Variants in TSGA10IP observed in about 807,000 individuals in gnomAD.
The protein encoded by TSGA10IP is testis specific 10 interacting protein, also known as testis-specific protein 10-interacting protein.
In TSGA10IP, 64 loss-of-function variants were observed where a neutral mutation model predicts 63.2. That is an observed-to-expected ratio of 1.01 (90% confidence interval 0.83 to 1.25). TSGA10IP has a LOEUF of 1.25. Among genes scored for constraint, TSGA10IP ranks in the 50% most tolerant of loss-of-function variants. TSGA10IP has a pLI of 0.00. For synonymous variants in TSGA10IP, 316 were observed against 298.3 expected (o/e 1.06, Z -0.61); for missense variants, 681 against 710.1 (o/e 0.96, Z 0.47).
exon 3 of TSGA10IP, chr11:65,947,123 C>T (rs1854849871): frequency 6.2e-7 from 1 of 1,611,426 alleles, no homozygotes; most frequent in African/African-American, 1.3e-5. Context: ...CTTCCCGCTT[C>T]TTCCTCGGAA....
chr11:65,959,088 C>A, intron 6 of TSGA10IP, 102 bp from the exon 7 acceptor site: 2 of 1,559,112 alleles, frequency 1.3e-6, no homozygotes, highest in Non-Finnish European at 1.7e-6. Context: ...GATCCCAGGG[C>A]TGCTGCCCTC....
chr11:65,959,176 TTC>T lies in TSGA10IP; in HGVS notation c.1423-7_1423-6del, dbSNP rs1384906869. The stretch of plus-strand genomic sequence containing the variant: ...CCCTGGTGCAGAGCAGGAAGCCGTC[TTC>T]TCTCTCCTCAGGCCAATGCCCGGCT... On this transcript the variant is annotated splice_polypyrimidine_tract_variant and intron_variant, in intron 6 of 7. Transcript: ENST00000532620. 21 of 1,600,598 alleles carry T rather than the reference TTC, an allele frequency of 1.3e-5. No individual in the cohort carries two copies. Among genetic ancestry groups the T allele is most frequent in the South Asian group, 2.3e-5 (2 of 88,826 alleles).
In TSGA10IP at chr11:65,953,548, C is replaced by T; in HGVS notation, c.1152-19C>T. 1.3e-6 allele frequency: 2 copies of T among 1,553,156 alleles called. No individual in the cohort carries two copies. The highest frequency in any genetic ancestry group is 1.7e-6 in the Non-Finnish European group (2 of 1,152,292). On this transcript the variant is annotated intron_variant, in intron 4 of 7. Coordinates refer to ENST00000532620, the Ensembl canonical transcript of TSGA10IP. Reference sequence around the variant, plus strand: ...TGCTGCCCGTGAACCTCTCATTCCCCTTCCCTTTCTCACCCAAGGAGCCTG... The same window carrying T: ...TGCTGCCCGTGAACCTCTCATTCCCTTTCCCTTTCTCACCCAAGGAGCCTG...
chr11:65,951,340 T>C (rs1854938056), intron 4 of TSGA10IP, among the ~76,000 whole-genome samples: 2 of 152,072 alleles, frequency 1.3e-5, no homozygotes, highest in Admixed American at 1.3e-4. Context: ...GATTCCCTTT[T>C]CTCCACATCA....
exon 6 of TSGA10IP, chr11:65,958,889 G>A (rs375867942): frequency 3.7e-6 from 6 of 1,612,572 alleles, no homozygotes; most frequent in Non-Finnish European, 4.2e-6. Flanking sequence ...GCAGGCGCCA[G>A]GAGCGACAGC....
intron 4 of TSGA10IP, among the ~76,000 whole-genome samples, chr11:65,948,696 G>A (rs1477080283): frequency 2.0e-5 from 3 of 152,130 alleles, no homozygotes; most frequent in African/African-American, 4.8e-5. Flanking sequence ...TTAAGGGGCC[G>A]GGCGTGGTGG....
rs575662455 is a variant in TSGA10IP at position 65,946,578 on chromosome 11, C to T, written c.148-302C>T. Among the ~76,000 whole-genome samples the T allele has an allele frequency of 2.3e-3, 346 of 152,248 alleles. 2 individuals carry two copies. The highest frequency in any genetic ancestry group is 8.0e-3 in the African/African-American group (331 of 41,544). ...TCCCAAGTAGCTAGGATTACAGGCG[C>T]AGGCCACCACACTCGGCTAATTTTT... is the stretch of plus-strand genomic sequence containing the variant. On this transcript the variant is annotated intron_variant, in intron 1 of 7. Coordinates refer to ENST00000532620, the Ensembl canonical transcript of TSGA10IP.
intron 5 of TSGA10IP, among the ~76,000 whole-genome samples, chr11:65,955,996 C>T (rs1213731469): frequency 1.3e-5 from 2 of 152,170 alleles, no homozygotes. Context: ...TGAGCACCTC[C>T]TGGGTGCAGC....
At chr11:65,949,848 C>CG (rs1414211311) in intron 4 of TSGA10IP, among the ~76,000 whole-genome samples, 66 of 112,374 alleles carry the variant, frequency 5.9e-4, no homozygotes, top group Non-Finnish European at 8.5e-4. Context: ...TGCATTACCT[C>CG]GGTTTTTTTT....
exon 1 of TSGA10IP, chr11:65,945,798 G>A (rs779394326): frequency 1.7e-5 from 27 of 1,613,858 alleles, no homozygotes; most frequent in Non-Finnish European, 2.1e-5. Flanking sequence ...TCAAGCTGCT[G>A]TCGACCGTCT....
chr11:65,955,687 G>A (rs998572662), intron 5 of TSGA10IP, among the ~76,000 whole-genome samples: 3 of 151,652 alleles, frequency 2.0e-5, no homozygotes, highest in Non-Finnish European at 2.9e-5. Context: ...AGGAGCCCCT[G>A]GGGCTTCATA....
At chr11:65,957,740 C>T (rs1565309049) in intron 5 of TSGA10IP, among the ~76,000 whole-genome samples, 1 of 152,124 alleles carries the variant, frequency 6.6e-6, no homozygotes, top group Non-Finnish European at 1.5e-5. Flanking sequence ...TGTGTCTCCC[C>T]TCCCCTCCTG....
chr11:65,956,670 G>A (rs1178023133), intron 5 of TSGA10IP, among the ~76,000 whole-genome samples: 1 of 152,132 alleles, frequency 6.6e-6, no homozygotes, highest in Non-Finnish European at 1.5e-5. Flanking sequence ...TGGGACCACA[G>A]GTGCGCGCCA....
rs1453364593 is a variant in TSGA10IP, at chr11:65,953,565, A to C, written c.1152-2A>C. 5.1e-6 allele frequency: 8 copies of C among 1,578,448 alleles called. No homozygotes were observed. Among genetic ancestry groups the C allele is most frequent in the Non-Finnish European group, 6.9e-6 (8 of 1,164,212 alleles). On this transcript the variant is annotated splice_acceptor_variant, in intron 4 of 7. Coordinates refer to ENST00000532620, the Ensembl canonical transcript of TSGA10IP. LOFTEE classifies it high-confidence loss of function. ...TCATTCCCCTTCCCTTTCTCACCCAAGGAGCCTGCTGCAGGCCTGGGAGCG... is the reference window on the plus strand; with the variant it reads ...TCATTCCCCTTCCCTTTCTCACCCACGGAGCCTGCTGCAGGCCTGGGAGCG...
intron 5 of TSGA10IP, among the ~76,000 whole-genome samples, chr11:65,954,285 T>A (rs1485795042): frequency 6.6e-6 from 1 of 150,912 alleles, no homozygotes; most frequent in Non-Finnish European, 1.5e-5. Context: ...CCTGCCTCAG[T>A]CTCCCGAGTA....
At chr11:65,953,969 T>C (rs1186822205) in intron 5 of TSGA10IP, among the ~76,000 whole-genome samples, 1 of 152,192 alleles carries the variant, frequency 6.6e-6, no homozygotes, top group Non-Finnish European at 1.5e-5. Flanking sequence ...GTTAAAATAT[T>C]CTACATGTAT....
In TSGA10IP at chr11:65,959,344, C is replaced by G. The variant is rs563622062; in HGVS notation, c.1547+30C>G. 1.1e-5 allele frequency: 18 copies of G among 1,607,620 alleles called. 1 individual carries two copies. In the African/African-American group the frequency reaches 1.7e-4, roughly 15 times the overall value. The stretch of plus-strand genomic sequence containing the variant: ...GTCTCCCCGTCAGGTCAAGAACTGA[C>G]TCTGCCATGCTGCTGCGGGAAGGGG... On this transcript the variant is annotated intron_variant, in intron 7 of 7. Transcript: ENST00000532620.
At chr11:65,959,070 G>A (rs999449517) in intron 6 of TSGA10IP, 88 bp downstream of exon 6, 1 of 1,570,208 alleles carries the variant, frequency 6.4e-7, no homozygotes, top group Non-Finnish European at 8.7e-7. Context: ...GTAGGTCCCT[G>A]CAGATAGGAT....
chr11:65,957,679 C>A (rs1304989614), intron 5 of TSGA10IP, among the ~76,000 whole-genome samples: 1 of 152,204 alleles, frequency 6.6e-6, no homozygotes, highest in Non-Finnish European at 1.5e-5. Flanking sequence ...AGTTTTTCCA[C>A]CGGGCCCAGC....
Sources: gnomAD v4.1 joint callset for allele counts (sites outside exome capture counted in the v4.1 genomes callset) on GRCh38, gnomAD v4.1.1 for gene constraint, MANE v1.5 for transcripts, NCBI Gene and HGNC (gene_info 2026-07-23, HGNC 2026-07-21) for gene names.